The following AKAP8 variants were observed in gnomAD, a reference collection of about 807,000 sequenced individuals.
AKAP8 encodes A-kinase anchoring protein 8.
AKAP8 carries 24 observed loss-of-function variants against 67.5 expected under a neutral mutation model. That is an observed-to-expected ratio of 0.36 (90% CI 0.26 to 0.50). The LOEUF is 0.50. AKAP8 is among the 20% of genes least tolerant of loss of function. The pLI is 0.97. For missense variants in AKAP8, 971 were observed against 955.9 expected (o/e 1.02, Z -0.21); for synonymous variants, 400 against 371.1 (o/e 1.08, Z -0.90).
At chr19:15,359,137 C>G in intron 12 of AKAP8, 75 bp from the exon 13 acceptor site, 1 of 1,374,046 alleles carries the variant, frequency 7.3e-7, no homozygotes, top group African/African-American at 1.4e-5. Context: ...CAGGCTCTGC[C>G]GAGTCATCCT....
chr19:15,357,415 C>A (rs1298181450), intron 13 of AKAP8, among the ~76,000 whole-genome samples: 5 of 98,942 alleles, frequency 5.1e-5, no homozygotes, highest in Non-Finnish European at 7.1e-5. Context: ...GGTGACAGAG[C>A]AAGACTCCAT....
chr19:15,354,407 C>A lies in AKAP8; in HGVS notation c.*508G>T, dbSNP rs2048263460. On this transcript the variant is annotated 3_prime_UTR_variant, in exon 14 of 14. Transcript: ENST00000269701. Reference sequence around the variant, plus strand: ...TGACGCGGTCAGTGCCACATGTGAACCAGGTGCTGCGAAGTCCTGTGAAAG... The same window carrying A: ...TGACGCGGTCAGTGCCACATGTGAAACAGGTGCTGCGAAGTCCTGTGAAAG... 6.3e-6 allele frequency: 1 copy of A among 159,818 alleles called. No homozygotes were observed. The highest frequency in any genetic ancestry group is 1.4e-5 in the Non-Finnish European group (1 of 72,018). The allele number at this position is 159,818 out of a possible 1,614,324, so 9.9% of individuals were successfully genotyped here.
intron 7 of AKAP8, among the ~76,000 whole-genome samples, chr19:15,371,024 C>T (rs1342033280): frequency 2.0e-5 from 3 of 152,162 alleles, no homozygotes; most frequent in Non-Finnish European, 4.4e-5. Context: ...AGTGAACATA[C>T]GGCTAAATTA....
chr19:15,368,708 G>A (rs982027686), intron 8 of AKAP8: 20 of 985,230 alleles, frequency 2.0e-5, no homozygotes, highest in African/African-American at 3.5e-5. Flanking sequence ...ATGAAGAGGC[G>A]GCAGCTGAAG....
Position 15,354,831 on chromosome 19 carries a change from C to T in AKAP8, c.*84G>A, listed in dbSNP as rs186783769. 9.4e-6 allele frequency: 14 copies of T among 1,481,530 alleles called. No homozygotes were observed. The highest frequency in any genetic ancestry group is 2.3e-5 in the East Asian group (1 of 43,916). 91.8% of individuals were successfully genotyped at this position (1,481,530 alleles called of 1,614,324 possible). A position where few individuals can be genotyped will look rare whatever the true frequency, so the allele number is the denominator to read the frequency against. On this transcript the variant is annotated 3_prime_UTR_variant, in exon 14 of 14. Transcript: ENST00000269701. ...GATTACAGCATATTCTGGGAGCACA[C>T]GCCCTTGTACTGCTTACAAACCAAG... is the stretch of plus-strand genomic sequence containing the variant.
intron 13 of AKAP8, among the ~76,000 whole-genome samples, chr19:15,357,451 A>T (rs1485489703): frequency 6.7e-6 from 1 of 149,854 alleles, no homozygotes; most frequent in Admixed American, 6.7e-5. Flanking sequence ...AAAAAAAAAA[A>T]AAAAAAATTA....
chr19:15,374,245 G>A (rs759341390), intron 3 of AKAP8, among the ~76,000 whole-genome samples, 180 bp from the exon 4 acceptor site: 1 of 152,248 alleles, frequency 6.6e-6, no homozygotes, highest in Non-Finnish European at 1.5e-5. Flanking sequence ...GGTGGCCAGA[G>A]AAAGGGGCAG....
intron 6 of AKAP8, 106 bp from the exon 7 acceptor site, chr19:15,372,104 G>C: frequency 1.2e-6 from 2 of 1,608,160 alleles, no homozygotes; most frequent in Non-Finnish European, 1.7e-6. Context: ...GACCACAGTG[G>C]GGTTGAAACA....
chr19:15,377,443 T>C (rs1967272455), intron 1 of AKAP8, among the ~76,000 whole-genome samples: 1 of 152,222 alleles, frequency 6.6e-6, no homozygotes, highest in Non-Finnish European at 1.5e-5. Flanking sequence ...GTGACATAAA[T>C]TGCATCTTTC....
At chr19:15,379,432 C>A (rs1170309814) in intron 1 of AKAP8, 1 of 411,734 alleles carries the variant, frequency 2.4e-6, no homozygotes, top group Non-Finnish European at 4.3e-6. Context: ...ACGGCCCACA[C>A]TGTCTAAGAC....
chr19:15,374,026 C>T lies in AKAP8; in HGVS notation c.131G>A (p.Ser44Asn). 2 of 1,592,026 alleles carry T rather than the reference C, an allele frequency of 1.3e-6. No individual in the cohort carries two copies. The highest frequency in any genetic ancestry group is 2.2e-5 in the East Asian group (1 of 44,668). ...GCTGTAGGTTGCGCCTGTGGTGACA[C>T]TGGTGTTCTGGGCGCCATAGTAATT... is the stretch of plus-strand genomic sequence containing the variant. ...NYNYYGAQNT[S>N]VTTGATYSYG... The change falls in exon 4 of 14, where the codon AGT becomes AAT. Residue 44 changes from serine (S) to asparagine (N), a missense_variant. By Grantham distance (46) the Ser-to-Asn change is conservative. Coordinates refer to ENST00000269701, the MANE Select transcript of AKAP8 (RefSeq NM_005858.4).
At chr19:15,365,349 C>A (rs1214435243) in intron 9 of AKAP8, among the ~76,000 whole-genome samples, 5 of 152,252 alleles carry the variant, frequency 3.3e-5, no homozygotes, top group African/African-American at 4.8e-5. Flanking sequence ...AAAAGTGAGG[C>A]TTCTTTGTCA....
rs1478651763 is a variant in AKAP8 at position 15,372,245 on chromosome 19, C to A, written c.964G>T (p.Asp322Tyr). The change falls in exon 6 of 14, where the codon GAC becomes TAC. Residue 322 changes from aspartate (D) to tyrosine (Y), a missense_variant. By Grantham distance (160) the Asp-to-Tyr change is radical (BLOSUM62 -3). Transcript: ENST00000269701. ...EEPDTKLARV[D>Y]SEGDFSENDD... Reference sequence around the variant, plus strand: ...TTTTCGGAGAAATCTCCTTCACTGTCAACCCGGGCCAGTTTGGTGTCTGGC... The same window carrying A: ...TTTTCGGAGAAATCTCCTTCACTGTAAACCCGGGCCAGTTTGGTGTCTGGC... The A allele has an allele frequency of 6.2e-7, 1 of 1,614,236 alleles. No individual in the cohort carries two copies. The highest frequency in any genetic ancestry group is 2.2e-5 in the East Asian group (1 of 44,886).
chr19:15,375,483 T>C (rs569094229), intron 2 of AKAP8, among the ~76,000 whole-genome samples: 2 of 152,282 alleles, frequency 1.3e-5, no homozygotes, highest in South Asian at 4.1e-4. Flanking sequence ...GTGTATTCAA[T>C]GACAAATTTT....
chr19:15,355,174 T>C lies in AKAP8; in HGVS notation c.1820A>G (p.Glu607Gly). The change falls in exon 14 of 14, where the codon GAA becomes GGA. Residue 607 changes from glutamate (E) to glycine (G), a missense_variant. By Grantham distance (98) the Glu-to-Gly change is moderately conservative. Coordinates refer to ENST00000269701, the MANE Select transcript of AKAP8 (RefSeq NM_005858.4). ...GGCCTCCGCTGTGTCCGTGGGGCCT[T>C]CGTCCTCAGCCGGCTCCCCGCTGCT... ...PESSGEPAED[E>G]GPTDTAEAGS... is the part of the protein sequence containing the mutation. 3 of 1,612,482 alleles carry C rather than the reference T, an allele frequency of 1.9e-6. No homozygotes were observed. In the South Asian group the frequency reaches 3.3e-5, roughly 18 times the overall value.
intron 4 of AKAP8, 130 bp downstream of exon 4, chr19:15,373,656 C>G: frequency 8.3e-7 from 1 of 1,198,926 alleles, no homozygotes; most frequent in South Asian, 1.6e-5. Flanking sequence ...CCCCCACGAG[C>G]CCAACTCGTC....
chr19:15,374,377 C>T (rs979502562), intron 3 of AKAP8, among the ~76,000 whole-genome samples: 3 of 152,214 alleles, frequency 2.0e-5, no homozygotes, highest in Non-Finnish European at 2.9e-5. Context: ...CAAAGGACCG[C>T]TGCTCCCAAA....
chr19:15,361,071 C>T, intron 11 of AKAP8, 93 bp from the exon 12 acceptor site: 1 of 1,491,548 alleles, frequency 6.7e-7, no homozygotes, highest in South Asian at 1.3e-5. Context: ...CCCTGCAACT[C>T]TAAGGAATCA....
intron 2 of AKAP8, among the ~76,000 whole-genome samples, chr19:15,375,387 A>G (rs1045616697): frequency 6.6e-6 from 1 of 152,166 alleles, no homozygotes; most frequent in Non-Finnish European, 1.5e-5. Context: ...GTACCAGCAC[A>G]CTGCCCGTAG....
Sources: gnomAD v4.1 joint callset for allele counts (sites outside exome capture counted in the v4.1 genomes callset) on GRCh38, gnomAD v4.1.1 for gene constraint, MANE v1.5 for transcripts, NCBI Gene and HGNC (gene_info 2026-07-23, HGNC 2026-07-21) for gene names.